GABRG1: variants seen among roughly 807,000 people sequenced by gnomAD.
GABRG1 encodes gamma-aminobutyric acid type A receptor subunit gamma1.
In GABRG1, 49 loss-of-function variants were observed where a neutral mutation model predicts 49.8. The observed-to-expected ratio is 0.98, with a 90% CI of 0.78 to 1.25. The LOEUF (loss-of-function observed/expected upper bound fraction) is 1.25. Among genes scored for constraint, GABRG1 ranks in the 50% most tolerant of loss-of-function variants. The probability of loss-of-function intolerance (pLI) is 0.00; values close to 1 mark genes in which losing one functional copy is unlikely to be tolerated. For synonymous variants in GABRG1, 232 were observed against 185.1 expected, an observed-to-expected ratio of 1.25 and a Z score of -2.06; for missense variants, 552 against 552.3, an observed-to-expected ratio of 1.00 and a Z score of 0.01.
Position 46,091,026 on chromosome 4 carries a change from T to C in GABRG1, c.253+6175A>G, listed in dbSNP as rs1455083580. Among the ~76,000 whole-genome samples the C allele has an allele frequency of 4.6e-5, 7 of 151,082 alleles. No homozygotes were observed. In the East Asian group the frequency reaches 1.2e-3, roughly 25 times the overall value. On this transcript the variant is annotated intron_variant, in intron 2 of 8. Coordinates refer to ENST00000295452, the MANE Select transcript of GABRG1 (RefSeq NM_173536.4). Reference sequence around the variant, plus strand: ...TTAATCGGACATTCTACATGGGATTTCCCCTCAAGGCATTTGCTGTTTCCT... The same window carrying C: ...TTAATCGGACATTCTACATGGGATTCCCCCTCAAGGCATTTGCTGTTTCCT...
chr4:46,063,384 T>G (rs1718787415), intron 5 of GABRG1, among the ~76,000 whole-genome samples: 1 of 152,054 alleles, frequency 6.6e-6, no homozygotes, highest in Non-Finnish European at 1.5e-5. Context: ...AACTATCTGA[T>G]CTTTGACAAA....
intron 7 of GABRG1, among the ~76,000 whole-genome samples, chr4:46,053,222 G>T (rs1017746274): frequency 2.0e-5 from 3 of 151,150 alleles, no homozygotes; most frequent in African/African-American, 7.3e-5. Flanking sequence ...TTTTTTGTTA[G>T]AAAATATACT....
chr4:46,039,280 C>A lies in GABRG1; in HGVS notation c.*1708G>T, dbSNP rs578129628. 6.6e-6 allele frequency: 1 copy of A among 150,682 alleles called. No individual in the cohort carries two copies. The highest frequency in any genetic ancestry group is 2.4e-5 in the African/African-American group (1 of 41,130). 9.3% of individuals were successfully genotyped at this position (150,682 alleles called of 1,614,324 possible). A position where few individuals can be genotyped will look rare whatever the true frequency, so the allele number is the denominator to read the frequency against. ...CAGTGTCGGTGGATATTGGGCATTA[C>A]CATTTGATTCATGCTTATTTTTTTC... On this transcript the variant is annotated 3_prime_UTR_variant, in exon 9 of 9. Transcript: ENST00000295452.
chr4:46,051,650 G>A lies in GABRG1; in HGVS notation c.917-12C>T. The A allele has an allele frequency of 1.3e-6, 2 of 1,491,832 alleles. No homozygotes were observed. The highest frequency in any genetic ancestry group is 2.3e-5 in the East Asian group (1 of 43,142). 92.4% of individuals were successfully genotyped at this position (1,491,832 alleles called of 1,614,324 possible). The stretch of plus-strand genomic sequence containing the variant: ...AACTGTAGTGATACCTATAGAGAGA[G>A]GAAACAAAACAGGAAATGAAAATTA... On this transcript the variant is annotated splice_polypyrimidine_tract_variant and intron_variant, in intron 7 of 8. Coordinates refer to ENST00000295452, the MANE Select transcript of GABRG1 (RefSeq NM_173536.4).
chr4:46,057,628 ACCC>A (rs1461966434), intron 7 of GABRG1, among the ~76,000 whole-genome samples: 3 of 152,090 alleles, frequency 2.0e-5, no homozygotes, highest in Non-Finnish European at 4.4e-5. Flanking sequence ...GAATCAAATT[ACCC>A]TGTTAATCAA....
At chr4:46,093,793 T>C (rs532081002) in intron 2 of GABRG1, among the ~76,000 whole-genome samples, 1 of 152,106 alleles carries the variant, frequency 6.6e-6, no homozygotes, top group African/African-American at 2.4e-5. Context: ...AAAATTTGTG[T>C]GTACCTAAAA....
rs1300890060 is a variant in GABRG1, at chr4:46,038,279, G to A, written c.*2709C>T. ...CCTAATTTTGTCCATGGAATTCGAA[G>A]ATAAATAAAATATTACCCTGTCATT... is the stretch of plus-strand genomic sequence containing the variant. On this transcript the variant is annotated 3_prime_UTR_variant, in exon 9 of 9. Transcript: ENST00000295452. 1 of 151,518 alleles carries A rather than the reference G, an allele frequency of 6.6e-6. No individual in the cohort carries two copies. The highest frequency in any genetic ancestry group is 2.4e-5 in the African/African-American group (1 of 41,352). The allele number at this position is 151,518 out of a possible 1,614,324, so 9.4% of individuals were successfully genotyped here.
At chr4:46,083,830 G>T (rs1344683494) in intron 3 of GABRG1, among the ~76,000 whole-genome samples, 156 bp downstream of exon 3, 5 of 151,494 alleles carry the variant, frequency 3.3e-5, no homozygotes, top group African/African-American at 4.8e-5. Context: ...GTATAGTTTA[G>T]CTCCAGTTGC....
intron 3 of GABRG1, among the ~76,000 whole-genome samples, chr4:46,073,321 C>A (rs566771652): frequency 2.0e-5 from 3 of 151,810 alleles, no homozygotes; most frequent in Non-Finnish European, 4.4e-5. Flanking sequence ...TACAAGGAAG[C>A]CTTTCCAAGA....
At chr4:46,113,163 A>G (rs1720775520) in intron 1 of GABRG1, among the ~76,000 whole-genome samples, 1 of 151,128 alleles carries the variant, frequency 6.6e-6, no homozygotes, top group South Asian at 2.1e-4. Flanking sequence ...TTCTCTATGT[A>G]TTAGTCCATT....
chr4:46,076,407 T>A (rs1201115159), intron 3 of GABRG1, among the ~76,000 whole-genome samples: 2 of 120,760 alleles, frequency 1.7e-5, no homozygotes, highest in African/African-American at 6.1e-5. Context: ...ATATATATGC[T>A]AAATTACTTT....
intron 1 of GABRG1, among the ~76,000 whole-genome samples, chr4:46,102,044 C>T (rs367655215): frequency 6.6e-6 from 1 of 151,604 alleles, no homozygotes; most frequent in East Asian, 2.0e-4. Context: ...GGAGTGAATT[C>T]GATGTGAATG....
intron 8 of GABRG1, among the ~76,000 whole-genome samples, chr4:46,045,240 A>C (rs1717949412): frequency 6.6e-6 from 1 of 152,120 alleles, no homozygotes; most frequent in African/African-American, 2.4e-5. Context: ...AAAAATGAAC[A>C]AAGAACAGTT....
intron 5 of GABRG1, among the ~76,000 whole-genome samples, chr4:46,061,833 T>C (rs1718701479): frequency 1.3e-5 from 2 of 151,238 alleles, no homozygotes; most frequent in Admixed American, 1.3e-4. Flanking sequence ...TTTTTGGTTT[T>C]GTTTTCTTTT....
At chr4:46,051,922 A>G (rs915068653) in intron 7 of GABRG1, among the ~76,000 whole-genome samples, 8 of 151,834 alleles carry the variant, frequency 5.3e-5, no homozygotes, top group African/African-American at 1.9e-4. Flanking sequence ...TTTAGCTGGC[A>G]TATGACTGCC....
At chr4:46,088,946 T>C (rs1168146766) in intron 2 of GABRG1, among the ~76,000 whole-genome samples, 1 of 151,622 alleles carries the variant, frequency 6.6e-6, no homozygotes, top group African/African-American at 2.4e-5. Context: ...CTTGCTCCCA[T>C]ACCTGATCAG....
chr4:46,052,622 C>T (rs577888296), intron 7 of GABRG1, among the ~76,000 whole-genome samples: 13 of 152,044 alleles, frequency 8.6e-5, no homozygotes, highest in Non-Finnish European at 1.9e-4. Flanking sequence ...TACAGATGCA[C>T]ATGCTAATAT....
intron 2 of GABRG1, among the ~76,000 whole-genome samples, chr4:46,092,223 T>A (rs1720015685): frequency 6.6e-6 from 1 of 152,040 alleles, no homozygotes; most frequent in African/African-American, 2.4e-5. Flanking sequence ...AATGATAATT[T>A]ATTGGTATAA....
rs1043655164 is a variant in GABRG1 at position 46,039,941 on chromosome 4, A to G, written c.*1047T>C. 2.6e-5 allele frequency: 4 copies of G among 151,824 alleles called. No homozygotes were observed. The highest frequency in any genetic ancestry group is 2.9e-5 in the Non-Finnish European group (2 of 67,836). The allele number at this position is 151,824 out of a possible 1,614,324, so 9.4% of individuals were successfully genotyped here. On this transcript the variant is annotated 3_prime_UTR_variant, in exon 9 of 9. Coordinates refer to ENST00000295452, the MANE Select transcript of GABRG1 (RefSeq NM_173536.4). ...TTTGGAGCTGGAAGAGGCAATATGTAACGCAGGCCTAAAACTGTTTTCTGC... is the reference window on the plus strand; with the variant it reads ...TTTGGAGCTGGAAGAGGCAATATGTGACGCAGGCCTAAAACTGTTTTCTGC...
Sources: gnomAD v4.1 joint callset for allele counts (sites outside exome capture counted in the v4.1 genomes callset) on GRCh38, gnomAD v4.1.1 for gene constraint, MANE v1.5 for transcripts, NCBI Gene and HGNC (gene_info 2026-07-23, HGNC 2026-07-21) for gene names.